RIPOR2: variants seen among roughly 807,000 people sequenced by gnomAD.
RIPOR2 encodes rho family-interacting cell polarization regulator 2.
A neutral mutation model predicts 114.5 loss-of-function variants in RIPOR2; 39 were observed. That is an observed-to-expected ratio of 0.34 (90% CI 0.26 to 0.44). The LOEUF (loss-of-function observed/expected upper bound fraction) is 0.44, where lower values mean the gene tolerates loss of function less well. RIPOR2 is among the 20% of genes least tolerant of loss of function. RIPOR2 has a pLI of 1.00. For missense variants in RIPOR2, 1,007 were observed against 1,255.1 expected (o/e 0.80, Z 2.99); for synonymous variants, 445 against 484.4 (o/e 0.92, Z 1.07).
At chr6:24,840,811 T>G in intron 13 of RIPOR2, 1 of 1,531,206 alleles carries the variant, frequency 6.5e-7, no homozygotes, top group Non-Finnish European at 8.7e-7. Context: ...GAGAAAGCTT[T>G]GTCCAGCTGA....
At chr6:24,982,760 A>G (rs1358849965) in intron 1 of RIPOR2, among the ~76,000 whole-genome samples, 1 of 152,230 alleles carries the variant, frequency 6.6e-6, no homozygotes, top group Non-Finnish European at 1.5e-5. Flanking sequence ...AAGAAAAGAA[A>G]AATAGCTCAG....
chr6:24,847,068 C>T (rs1374934968), intron 12 of RIPOR2, among the ~76,000 whole-genome samples: 1 of 152,184 alleles, frequency 6.6e-6, no homozygotes, highest in Non-Finnish European at 1.5e-5. Context: ...CCTCTCACCT[C>T]AGCCTCCCAA....
At chr6:24,913,415 A>C (rs1373472551) in intron 1 of RIPOR2, among the ~76,000 whole-genome samples, 1 of 152,204 alleles carries the variant, frequency 6.6e-6, no homozygotes, top group South Asian at 2.1e-4. Context: ...AACTGACTGC[A>C]TTAGACTGGA....
chr6:25,016,760 T>C (rs1030183435), intron 1 of RIPOR2, among the ~76,000 whole-genome samples: 3 of 152,238 alleles, frequency 2.0e-5, no homozygotes, highest in African/African-American at 7.2e-5. Context: ...AATTTCAAAC[T>C]CTTGTTACTT....
In RIPOR2 at chr6:25,037,654, T is replaced by A. The variant is rs921156931; in HGVS notation, c.76+4197A>T. 5.3e-5 allele frequency among the ~76,000 whole-genome samples: 8 copies of A among 152,216 alleles called. No homozygotes were observed. Among genetic ancestry groups the A allele is most frequent in the South Asian group, 4.1e-4 (2 of 4,832 alleles). ...CCTTGGTTTGATTATTATTATTATT[T>A]TTTTACTACACTGCTATGGACTAGA... On this transcript the variant is annotated intron_variant, in intron 1 of 13. Coordinates refer to the RIPOR2 transcript ENST00000510784. This position sits in a 1 kb window ranked among gnomAD's most constrained non-coding sequence, Gnocchi z 4.5.
chr6:24,936,014 C>CT, upstream of RIPOR2: 3 of 694,164 alleles, frequency 4.3e-6, no homozygotes, highest in Non-Finnish European at 7.5e-6. Context: ...TGGAGGGCAG[C>CT]TTCCGCATCT....
At chr6:24,806,827 T>A (rs908451522) in intron 21 of RIPOR2, among the ~76,000 whole-genome samples, 3 of 152,242 alleles carry the variant, frequency 2.0e-5, no homozygotes, top group African/African-American at 2.4e-5. Context: ...ATATGGCTAA[T>A]GCACTGAACT....
chr6:24,880,717 C>T (rs1766260742), intron 1 of RIPOR2, among the ~76,000 whole-genome samples: 1 of 152,034 alleles, frequency 6.6e-6, no homozygotes, highest in East Asian at 1.9e-4. Context: ...TTGTATTAGG[C>T]TTTATAAATT....
chr6:25,016,900 T>C (rs1776032105), intron 1 of RIPOR2, among the ~76,000 whole-genome samples: 1 of 152,200 alleles, frequency 6.6e-6, no homozygotes. Flanking sequence ...GGGATTCACA[T>C]TCTGGGTGCT....
chr6:24,828,469 G>A (rs2113674381), intron 17 of RIPOR2, among the ~76,000 whole-genome samples, 174 bp from the exon 18 acceptor site: 1 of 152,268 alleles, frequency 6.6e-6, no homozygotes, highest in African/African-American at 2.4e-5. Flanking sequence ...TTCCCAAGTA[G>A]ATGGAATTGC....
At chr6:24,807,798 G>T (rs1314082355) in intron 21 of RIPOR2, among the ~76,000 whole-genome samples, 2 of 152,162 alleles carry the variant, frequency 1.3e-5, no homozygotes, top group Admixed American at 1.3e-4. Context: ...AATAGTTGCA[G>T]CCCTGAGTCC....
intron 1 of RIPOR2, among the ~76,000 whole-genome samples, chr6:24,935,441 AC>A (rs1378030392): frequency 4.0e-5 from 6 of 151,862 alleles, no homozygotes; most frequent in African/African-American, 1.5e-4. Flanking sequence ...ACCATGAAAA[AC>A]CACTCCTGGT....
At chr6:25,017,984 G>C (rs1776098091) in intron 1 of RIPOR2, among the ~76,000 whole-genome samples, 1 of 152,176 alleles carries the variant, frequency 6.6e-6, no homozygotes, top group South Asian at 2.1e-4. Context: ...AAGTACTGAG[G>C]GATGACAACA....
intron 21 of RIPOR2, among the ~76,000 whole-genome samples, chr6:24,807,932 T>G (rs1780881916): frequency 6.6e-6 from 1 of 152,154 alleles, no homozygotes. Flanking sequence ...CCAGTATTTG[T>G]GTATTAGGGT....
At chr6:25,039,562 T>C (rs978646667) in intron 1 of RIPOR2, among the ~76,000 whole-genome samples, 1 of 152,222 alleles carries the variant, frequency 6.6e-6, no homozygotes, top group African/African-American at 2.4e-5. Flanking sequence ...AGCACAGTAT[T>C]CAGATGTTAG....
chr6:24,854,242 T>C (rs1412528913), intron 8 of RIPOR2, among the ~76,000 whole-genome samples: 1 of 152,112 alleles, frequency 6.6e-6, no homozygotes, highest in African/African-American at 2.4e-5. Flanking sequence ...TGAGAATGTA[T>C]TACTATATAA....
At chr6:24,830,448 C>G (rs1257586677) in intron 17 of RIPOR2, 61 bp downstream of exon 17, 1 of 1,434,320 alleles carries the variant, frequency 7.0e-7, no homozygotes, top group Non-Finnish European at 9.5e-7. Flanking sequence ...CCCCGACCCC[C>G]ACCCCAATGC....
intron 1 of RIPOR2, among the ~76,000 whole-genome samples, chr6:25,036,600 C>G (rs545319280): frequency 1.3e-4 from 20 of 152,096 alleles, no homozygotes; most frequent in South Asian, 1.0e-3. Flanking sequence ...TGCTATGTTG[C>G]CAGGCTGGTC....
At chr6:24,819,526 T>G (rs1384008601) in intron 19 of RIPOR2, among the ~76,000 whole-genome samples, 1 of 152,040 alleles carries the variant, frequency 6.6e-6, no homozygotes, top group Non-Finnish European at 1.5e-5. Context: ...TATCTTTTTT[T>G]TTTTTGAGAC....
Sources: allele counts gnomAD v4.1 joint callset (sites outside exome capture counted in the v4.1 genomes callset), GRCh38; gene constraint gnomAD v4.1.1; non-coding constraint Gnocchi (gnomAD v3.1); transcripts MANE v1.5; gene names NCBI Gene and HGNC (gene_info 2026-07-23, HGNC 2026-07-21).